Variants in DMD observed in about 807,000 individuals in gnomAD.
DMD encodes the protein mutant dystrophin.
In DMD, 63 loss-of-function variants were observed where a neutral mutation model predicts 330.1. The observed-to-expected ratio is 0.19, with a 90% CI of 0.16 to 0.24. The LOEUF is 0.24. DMD is among the 10% of genes least tolerant of loss of function. The probability of loss-of-function intolerance (pLI) is 1.00; values close to 1 mark genes in which losing one functional copy is unlikely to be tolerated. For synonymous variants in DMD, 1,223 were observed against 959.8 expected (o/e 1.27, Z -5.07); for missense variants, 3,344 against 2,684.1 (o/e 1.25, Z -5.43).
chrX:33,278,459 C>T (rs1250970953), intron 1 of DMD, among the ~76,000 whole-genome samples: 5 of 111,576 alleles, frequency 4.5e-5, no homozygotes, highest in Middle Eastern at 4.2e-3. Context: ...TGTGTTAATT[C>T]GCTTAGGATA....
chrX:31,222,392 C>CAAAAAAAAAAAAAAAAAAAA (rs57227723), intron 64 of DMD, among the ~76,000 whole-genome samples: 18 of 20,598 alleles, frequency 8.7e-4, no homozygotes, highest in East Asian at 2.0e-3. Flanking sequence ...GACTCCATCT[C>CAAAAAAAAAAAAAAAAAAAA]AAAAAAAAAA....
chrX:32,868,441 T>A (rs958500978), intron 2 of DMD, among the ~76,000 whole-genome samples: 2 of 111,484 alleles, frequency 1.8e-5, no homozygotes, highest in Non-Finnish European at 3.8e-5. Flanking sequence ...CTAAGAGAAC[T>A]GAGCTGCTGT....
intron 60 of DMD, among the ~76,000 whole-genome samples, chrX:31,443,670 C>T (rs1442808371): frequency 1.8e-5 from 2 of 110,069 alleles, no homozygotes; most frequent in African/African-American, 3.3e-5. Flanking sequence ...CGCAAACCTA[C>T]GAAAAACTTC....
intron 21 of DMD, among the ~76,000 whole-genome samples, chrX:32,478,983 G>A (rs1363387643): frequency 9.0e-6 from 1 of 110,787 alleles, no homozygotes; most frequent in African/African-American, 3.3e-5. Context: ...TATTTTCCAG[G>A]TAAGTCTCAT....
intron 45 of DMD, among the ~76,000 whole-genome samples, chrX:31,957,908 G>A (rs1157711974): frequency 9.0e-6 from 1 of 111,017 alleles, no homozygotes; most frequent in Non-Finnish European, 1.9e-5. Flanking sequence ...GTAAACAAAG[G>A]TAGGACACTC....
At chrX:32,211,479 T>A (rs1033771729) in intron 44 of DMD, among the ~76,000 whole-genome samples, 1 of 111,790 alleles carries the variant, frequency 8.9e-6, no homozygotes, top group East Asian at 2.8e-4. Context: ...ATAACATAGG[T>A]TATGGAGCAG....
chrX:31,731,272 G>A, intron 51 of DMD, among the ~76,000 whole-genome samples: 1 of 111,759 alleles, frequency 8.9e-6, no homozygotes, highest in Non-Finnish European at 1.9e-5. Flanking sequence ...GCCAAAGACA[G>A]CTATTGAAGT....
chrX:31,255,948 T>TA (rs773334923), intron 63 of DMD, among the ~76,000 whole-genome samples: 2 of 109,485 alleles, frequency 1.8e-5, no homozygotes, highest in Non-Finnish European at 3.8e-5. Flanking sequence ...GCTAATTTTT[T>TA]GTTTTTTTAG....
chrX:32,833,408 A>G (rs1444885234), intron 4 of DMD, among the ~76,000 whole-genome samples: 1 of 110,587 alleles, frequency 9.0e-6, no homozygotes, highest in South Asian at 3.7e-4. Context: ...ACGTATTAAT[A>G]AAATGCAAAC....
At chrX:32,403,634 T>G (rs978783979) in intron 30 of DMD, among the ~76,000 whole-genome samples, 3 of 111,870 alleles carry the variant, frequency 2.7e-5, no homozygotes, top group Non-Finnish European at 5.7e-5. Flanking sequence ...ATTAAACATA[T>G]GAAACTAACA....
chrX:32,849,971 T>G, intron 2 of DMD, 151 bp from the exon 3 acceptor site: 1 of 492,454 alleles, frequency 2.0e-6, no homozygotes, highest in Non-Finnish European at 3.4e-6. Context: ...AAAAGGAAAG[T>G]TCAAATGACA....
At chrX:33,175,874 A>G (rs1461131427) in intron 1 of DMD, among the ~76,000 whole-genome samples, 2 of 111,907 alleles carry the variant, frequency 1.8e-5, no homozygotes, top group Non-Finnish European at 3.8e-5. Context: ...CATGTTCCAG[A>G]CCTTATTATA....
At chrX:32,386,041 T>G (rs892147026) in intron 33 of DMD, among the ~76,000 whole-genome samples, 2 of 110,367 alleles carry the variant, frequency 1.8e-5, no homozygotes, top group Non-Finnish European at 3.8e-5. Context: ...TTACGTATTT[T>G]TCAATCTGAA....
At chrX:32,488,377 A>G (rs1445082146) in intron 20 of DMD, among the ~76,000 whole-genome samples, 2 of 111,236 alleles carry the variant, frequency 1.8e-5, no homozygotes, top group East Asian at 5.6e-4. Context: ...AAGGCTCTCT[A>G]ACCCCCACAA....
intron 1 of DMD, among the ~76,000 whole-genome samples, chrX:33,316,444 A>G (rs1374338524): frequency 3.6e-5 from 4 of 111,364 alleles, no homozygotes; most frequent in African/African-American, 9.8e-5. Context: ...TGAAAAATCT[A>G]TAAGCGTTAG....
chrX:32,809,257 A>C (rs1352183781), intron 7 of DMD, among the ~76,000 whole-genome samples: 1 of 112,023 alleles, frequency 8.9e-6, no homozygotes, highest in Non-Finnish European at 1.9e-5. Flanking sequence ...TACACATTTT[A>C]AAGGCTTTTT....
intron 76 of DMD, among the ~76,000 whole-genome samples, chrX:31,138,663 GA>G (rs1569323732): frequency 5.3e-5 from 5 of 94,097 alleles, no homozygotes; most frequent in Admixed American, 3.5e-4. Context: ...GAGAGAGAGA[GA>G]GAGAGAGAGA....
chrX:32,852,059 T>A (rs2081181065), intron 2 of DMD, among the ~76,000 whole-genome samples: 1 of 111,620 alleles, frequency 9.0e-6, no homozygotes, highest in South Asian at 3.8e-4. Flanking sequence ...CACAACCCAG[T>A]AAGACACCAG....
intron 44 of DMD, among the ~76,000 whole-genome samples, chrX:32,172,293 CA>C (rs1033156813): frequency 1.8e-5 from 2 of 111,120 alleles, no homozygotes; most frequent in Admixed American, 9.6e-5. Flanking sequence ...ATGATATGAG[CA>C]AAAAGGAAAT....
Sources: allele counts gnomAD v4.1 joint callset (sites outside exome capture counted in the v4.1 genomes callset), GRCh38; gene constraint gnomAD v4.1.1; transcripts MANE v1.5; gene names NCBI Gene and HGNC (gene_info 2026-07-23, HGNC 2026-07-21).